Variants in USH2A observed in about 807,000 individuals in gnomAD.
USH2A encodes the protein Usher syndrome 2A (autosomal recessive, mild).
A neutral mutation model predicts 538.9 loss-of-function variants in USH2A; 443 were observed. The observed-to-expected ratio is 0.82, with a 90% CI of 0.76 to 0.89. The LOEUF is 0.89. USH2A is among the 40% of genes least tolerant of loss of function. USH2A has a pLI of 0.00. For synonymous variants in USH2A, 2,413 were observed against 2,273.5 expected (o/e 1.06, Z -1.75); for missense variants, 6,633 against 6,324.8 (o/e 1.05, Z -1.65).
intron 11 of USH2A, among the ~76,000 whole-genome samples, chr1:216,271,374 A>T (rs1187561311): frequency 6.6e-6 from 1 of 152,082 alleles, no homozygotes; most frequent in Non-Finnish European, 1.5e-5. Flanking sequence ...GGCTTTACGA[A>T]GGAGAGTAGT....
intron 11 of USH2A, among the ~76,000 whole-genome samples, chr1:216,278,554 C>T (rs995279810): frequency 5.3e-5 from 8 of 152,178 alleles, no homozygotes; most frequent in Non-Finnish European, 8.8e-5. Context: ...GGAGAGACCA[C>T]GTGGCTTGTG....
At position 216,144,761 on chromosome 1, in the gene USH2A, C is replaced by G. The variant is rs75609831; in HGVS notation, c.4627+30491G>C. On this transcript the variant is annotated intron_variant, in intron 21 of 71. Coordinates refer to ENST00000307340, the MANE Select transcript of USH2A (RefSeq NM_206933.4). The stretch of plus-strand genomic sequence containing the variant: ...AGCAGTTCTTCACCTACTTATCTGG[C>G]TACTTTTTCTTGATTGTTTTTTAAC... 1.1e-4 allele frequency among the ~76,000 whole-genome samples: 16 copies of G among 152,252 alleles called. No individual in the cohort carries two copies. In the East Asian group the frequency reaches 3.1e-3, roughly 29 times the overall value.
rs75464348 is a variant in USH2A, at chr1:216,074,352, G to A, written c.5573-1052C>T. ...TCTCTCTCTCTCTCTCTCTCTCTCCGAACAAAACACTGTAAAGTTTGAAAG... is the reference window on the plus strand; with the variant it reads ...TCTCTCTCTCTCTCTCTCTCTCTCCAAACAAAACACTGTAAAGTTTGAAAG... On this transcript the variant is annotated intron_variant, in intron 27 of 71. Coordinates refer to ENST00000307340, the MANE Select transcript of USH2A (RefSeq NM_206933.4). Among the ~76,000 whole-genome samples, 3,579 of 136,752 alleles carry A rather than the reference G, an allele frequency of 0.026. 151 individuals are homozygous for A. Among genetic ancestry groups the A allele is most frequent in the African/African-American group, 0.091 (3,328 of 36,694 alleles). The allele number at this position is 136,752 out of a possible 152,430, so 89.7% of individuals were successfully genotyped here.
rs2031511911 is a variant in USH2A at position 216,070,182 on chromosome 1, T to C, written c.5968A>G (p.Lys1990Glu). The C allele has an allele frequency of 1.9e-6, 3 of 1,613,914 alleles. No homozygotes were observed. The highest frequency in any genetic ancestry group is 1.7e-6 in the Non-Finnish European group (2 of 1,179,978). ...CGGGTGCTGTCCTCACTATAGGCTT[T>C]CAGAATGTACTTCTCAATTACACCT... is the stretch of plus-strand genomic sequence containing the variant. ...VRGVIEKYIL[K>E]AYSEDSTRPP... The change falls in exon 30 of 72, where the codon AAA becomes GAA. Residue 1990 changes from lysine (K) to glutamate (E), a missense_variant. Lys to Glu is a moderately conservative substitution (Grantham distance 56, BLOSUM62 1). Transcript: ENST00000307340.
chr1:215,716,399 G>T (rs1659489546), intron 61 of USH2A, among the ~76,000 whole-genome samples: 1 of 152,078 alleles, frequency 6.6e-6, no homozygotes, highest in South Asian at 2.1e-4. Context: ...AAGCTATCTG[G>T]CATAAAACCT....
At chr1:216,402,926 A>G (rs569928600) in intron 3 of USH2A, among the ~76,000 whole-genome samples, 5 of 152,170 alleles carry the variant, frequency 3.3e-5, no homozygotes, top group Admixed American at 3.3e-4. Context: ...TAAATTACAC[A>G]TTAAATTACA....
chr1:216,126,759 T>G (rs915397898), intron 21 of USH2A, among the ~76,000 whole-genome samples: 1 of 152,164 alleles, frequency 6.6e-6, no homozygotes, highest in African/African-American at 2.4e-5. Context: ...TTTTACCAAA[T>G]TTGATTAAAT....
intron 12 of USH2A, among the ~76,000 whole-genome samples, chr1:216,250,123 G>A (rs906246525): frequency 6.6e-6 from 1 of 152,094 alleles, no homozygotes; most frequent in African/African-American, 2.4e-5. Context: ...AGTGCATTAT[G>A]AACATAGTGC....
chr1:215,911,687 T>C (rs1217709040), intron 38 of USH2A, among the ~76,000 whole-genome samples: 2 of 152,128 alleles, frequency 1.3e-5, no homozygotes, highest in East Asian at 3.9e-4. Flanking sequence ...AAGATATTTC[T>C]TCAACATACT....
At chr1:215,676,733 C>A (rs946220658) in intron 62 of USH2A, among the ~76,000 whole-genome samples, 6 of 152,190 alleles carry the variant, frequency 3.9e-5, no homozygotes, top group Admixed American at 6.5e-5. Flanking sequence ...ACTGCCATAT[C>A]TTCTGAAGGG....
At chr1:216,174,504 T>A (rs2034334318) in intron 21 of USH2A, 3 of 985,322 alleles carry the variant, frequency 3.0e-6, no homozygotes, top group Non-Finnish European at 2.4e-6. Flanking sequence ...CAGAGTTCAA[T>A]CTGTCTTTAT....
intron 50 of USH2A, among the ~76,000 whole-genome samples, chr1:215,797,345 G>C (rs1662172213): frequency 6.6e-6 from 1 of 152,210 alleles, no homozygotes; most frequent in Admixed American, 6.5e-5. Flanking sequence ...AGAACACCTA[G>C]GTAAGATCAC....
chr1:216,401,451 A>C (rs2039301676), intron 3 of USH2A, among the ~76,000 whole-genome samples: 1 of 152,082 alleles, frequency 6.6e-6, no homozygotes, highest in Non-Finnish European at 1.5e-5. Context: ...AGAATCTCAG[A>C]TGTAAATGGT....
chr1:215,926,614 CTTTTTTTTT>C (rs10673615), intron 38 of USH2A, among the ~76,000 whole-genome samples: 1 of 75,850 alleles, frequency 1.3e-5, no homozygotes, highest in East Asian at 4.3e-4. Flanking sequence ...ACCTACCTAT[CTTTTTTTTT>C]TTTTTTTTTT....
intron 21 of USH2A, among the ~76,000 whole-genome samples, chr1:216,149,935 C>T (rs913846494): frequency 6.6e-6 from 1 of 152,154 alleles, no homozygotes; most frequent in African/African-American, 2.4e-5. Flanking sequence ...TCCTCTTCCT[C>T]CTGGAAGTCG....
intron 48 of USH2A, 138 bp downstream of exon 48, chr1:215,816,851 TAAGCATCC>T: frequency 1.2e-6 from 1 of 858,840 alleles, no homozygotes; most frequent in African/African-American, 1.7e-5. Context: ...GTGATTTTTG[TAAGCATCC>T]TTTCTTTTCC....
At chr1:216,411,984 A>G (rs1334202225) in intron 3 of USH2A, among the ~76,000 whole-genome samples, 4 of 152,154 alleles carry the variant, frequency 2.6e-5, no homozygotes, top group African/African-American at 9.7e-5. Flanking sequence ...TGTAGCACTT[A>G]CCACAATTAT....
intron 37 of USH2A, among the ~76,000 whole-genome samples, chr1:215,941,063 A>T (rs1325689159): frequency 6.6e-6 from 1 of 152,136 alleles, no homozygotes; most frequent in Non-Finnish European, 1.5e-5. Flanking sequence ...ATTTTTCCCC[A>T]TCAAGCTCTC....
Position 216,410,392 on chromosome 1 carries a change from G to A in USH2A, c.651+8122C>T, listed in dbSNP as rs183081879. On this transcript the variant is annotated intron_variant, in intron 3 of 71. Coordinates refer to ENST00000307340, the MANE Select transcript of USH2A (RefSeq NM_206933.4). ...ATCTGAGTCATTCTATCATAAAGAC[G>A]CATGCACATGTATATTCGTTGCAGC... Among the ~76,000 whole-genome samples the A allele has an allele frequency of 2.3e-3, 356 of 151,872 alleles. 3 individuals are homozygous for A. The highest frequency in any genetic ancestry group is 8.4e-3 in the African/African-American group (348 of 41,436).
Sources: allele counts gnomAD v4.1 joint callset (sites outside exome capture counted in the v4.1 genomes callset), GRCh38; gene constraint gnomAD v4.1.1; transcripts MANE v1.5; gene names NCBI Gene and HGNC (gene_info 2026-07-23, HGNC 2026-07-21).